Variants in CRLS1 observed in about 807,000 individuals in gnomAD.
The protein encoded by CRLS1 is cardiolipin synthase (CMP-forming).
A neutral mutation model predicts 37.0 loss-of-function variants in CRLS1; 24 were observed. The observed-to-expected ratio is 0.65, with a 90% CI of 0.47 to 0.91. CRLS1 has a LOEUF of 0.91. Among genes scored for constraint, CRLS1 ranks in the 40% least tolerant of loss-of-function variants. CRLS1 has a pLI of 0.00. For missense variants in CRLS1, 373 were observed against 395.8 expected, an observed-to-expected ratio of 0.94 and a Z score of 0.49; for synonymous variants, 135 against 159.7, an observed-to-expected ratio of 0.85 and a Z score of 1.17.
At chr20:6,008,626 C>A (rs1238601894) in intron 1 of CRLS1, among the ~76,000 whole-genome samples, 1 of 152,220 alleles carries the variant, frequency 6.6e-6, no homozygotes, top group African/African-American at 2.4e-5. Flanking sequence ...CAAATTTACA[C>A]AATTTCTCGA....
chr20:6,032,136 G>T, intron 5 of CRLS1, 56 bp downstream of exon 5: 1 of 1,335,752 alleles, frequency 7.5e-7, no homozygotes, highest in Non-Finnish European at 1.1e-6. Flanking sequence ...TATTATACAG[G>T]ATATAAACCT....
intron 3 of CRLS1, among the ~76,000 whole-genome samples, chr20:6,022,135 CT>C (rs1979326897): frequency 6.6e-6 from 1 of 152,050 alleles, no homozygotes; most frequent in Admixed American, 6.6e-5. Flanking sequence ...GAAGTATGTT[CT>C]TTTGGAATTA....
Position 6,037,173 on chromosome 20 carries a change from C to T in CRLS1, c.*15C>T, listed in dbSNP as rs1349151735. 3.2e-6 allele frequency: 5 copies of T among 1,578,110 alleles called. No individual in the cohort carries two copies. The highest frequency in any genetic ancestry group is 3.3e-5 in the Admixed American group (2 of 59,898). On this transcript the variant is annotated 3_prime_UTR_variant, in exon 7 of 7. Transcript: ENST00000378863. ...TAAAAGACTGATGAAAGTCATCCCTCACTGTTAGTAAGGAAGCAGTATACA... is the reference window on the plus strand; with the variant it reads ...TAAAAGACTGATGAAAGTCATCCCTTACTGTTAGTAAGGAAGCAGTATACA...
In CRLS1 at chr20:6,006,164, G is replaced by C. The variant is rs1162397291; in HGVS notation, c.-83G>C. On this transcript the variant is annotated 5_prime_UTR_variant, in exon 1 of 7. Coordinates refer to ENST00000378863, the MANE Select transcript of CRLS1 (RefSeq NM_019095.6). Reference sequence around the variant, plus strand: ...TAGCCCAGTGTCTGAGTGGTTGCCGGGTCTCCATGGAGAAGCGGCTCGCCA... The same window carrying C: ...TAGCCCAGTGTCTGAGTGGTTGCCGCGTCTCCATGGAGAAGCGGCTCGCCA... 1 of 743,236 alleles carries C rather than the reference G, an allele frequency of 1.3e-6. No homozygotes were observed. The highest frequency in any genetic ancestry group is 1.8e-6 in the Non-Finnish European group (1 of 548,634). The allele number at this position is 743,236 out of a possible 1,614,324, so 46.0% of individuals were successfully genotyped here.
At chr20:6,028,451 TTATTA>T (rs1241155584) in intron 3 of CRLS1, 1 of 152,040 alleles carries the variant, frequency 6.6e-6, no homozygotes, top group Non-Finnish European at 1.5e-5. Flanking sequence ...ATATTTTGTA[TTATTA>T]TATTGTTTCT....
chr20:6,015,629 T>G, intron 3 of CRLS1, 139 bp downstream of exon 3: 3 of 807,064 alleles, frequency 3.7e-6, no homozygotes, highest in Non-Finnish European at 6.1e-6. Flanking sequence ...AATTTTAAAC[T>G]GTTGAACTGT....
At chr20:6,007,683 C>CT (rs1479343823) in intron 1 of CRLS1, among the ~76,000 whole-genome samples, 1 of 152,124 alleles carries the variant, frequency 6.6e-6, no homozygotes, top group East Asian at 1.9e-4. Flanking sequence ...TTGCTTACTG[C>CT]TTTTTTGCAA....
intron 3 of CRLS1, among the ~76,000 whole-genome samples, chr20:6,016,716 T>C (rs946674375): frequency 2.0e-5 from 3 of 152,254 alleles, no homozygotes; most frequent in Non-Finnish European, 2.9e-5. Flanking sequence ...GTTTTACTTA[T>C]ATGATTGGTG....
intron 3 of CRLS1, among the ~76,000 whole-genome samples, chr20:6,029,928 A>G (rs2088084451): frequency 6.6e-6 from 1 of 152,196 alleles, no homozygotes. Flanking sequence ...TTAAATCTGT[A>G]ATTAGAGATT....
intron 3 of CRLS1, among the ~76,000 whole-genome samples, chr20:6,022,613 C>T (rs912831720): frequency 3.9e-5 from 6 of 152,156 alleles, no homozygotes; most frequent in Admixed American, 2.6e-4. Context: ...GCTCTGATTA[C>T]AGGCAAGAGC....
chr20:6,008,552 A>G (rs1165796264), intron 1 of CRLS1, among the ~76,000 whole-genome samples: 2 of 152,256 alleles, frequency 1.3e-5, no homozygotes, highest in Non-Finnish European at 2.9e-5. Flanking sequence ...AAGCCCCCAG[A>G]TGGGAGCTGT....
intron 6 of CRLS1, among the ~76,000 whole-genome samples, chr20:6,035,285 C>CT (rs1420854505): frequency 6.6e-6 from 1 of 152,022 alleles, no homozygotes; most frequent in Non-Finnish European, 1.5e-5. Flanking sequence ...CATCTTATAC[C>CT]TTCTGATATA....
At chr20:6,007,137 C>T (rs1032751738) in intron 1 of CRLS1, 2 of 913,344 alleles carry the variant, frequency 2.2e-6, no homozygotes, top group African/African-American at 3.4e-5. Flanking sequence ...GCTACCCAGA[C>T]AGAAGACACC....
intron 5 of CRLS1, among the ~76,000 whole-genome samples, chr20:6,032,609 G>C (rs1332874704): frequency 6.6e-6 from 1 of 152,174 alleles, no homozygotes; most frequent in Non-Finnish European, 1.5e-5. Context: ...AGGATTGATA[G>C]TTAAGTGGAA....
At chr20:6,020,662 G>C (rs1000907292) in intron 3 of CRLS1, among the ~76,000 whole-genome samples, 32 of 148,454 alleles carry the variant, frequency 2.2e-4, no homozygotes, top group African/African-American at 6.7e-4. Flanking sequence ...TTGCTCTGTC[G>C]CCCAGGCTGG....
At chr20:6,036,835 T>C (rs1313275420) in intron 6 of CRLS1, among the ~76,000 whole-genome samples, 2 of 152,232 alleles carry the variant, frequency 1.3e-5, no homozygotes, top group Non-Finnish European at 1.5e-5. Context: ...CTAGTAGTAG[T>C]AATTTGTAGG....
intron 5 of CRLS1, among the ~76,000 whole-genome samples, chr20:6,033,089 T>C (rs1980296109): frequency 6.7e-6 from 1 of 150,042 alleles, no homozygotes; most frequent in African/African-American, 2.4e-5. Flanking sequence ...TTATTTTATA[T>C]TTTATATTTT....
rs1020575271 is a variant in CRLS1, at chr20:6,037,893, T to A, written c.*735T>A. ...AGTTACGTTCCTGCCTTCCACTGTGTTTCTGACATAGCAATGTTTGTTTGA... is the reference window on the plus strand; with the variant it reads ...AGTTACGTTCCTGCCTTCCACTGTGATTCTGACATAGCAATGTTTGTTTGA... On this transcript the variant is annotated 3_prime_UTR_variant, in exon 7 of 7. Coordinates refer to ENST00000378863, the MANE Select transcript of CRLS1 (RefSeq NM_019095.6). The A allele has an allele frequency of 6.6e-6, 1 of 152,208 alleles. No individual in the cohort carries two copies. Among genetic ancestry groups the A allele is most frequent in the Admixed American group, 6.5e-5 (1 of 15,280 alleles). 9.4% of individuals were successfully genotyped at this position (152,208 alleles called of 1,614,324 possible). A position where few individuals can be genotyped will look rare whatever the true frequency, so the allele number is the denominator to read the frequency against.
At chr20:6,007,742 C>G (rs74456246) in intron 1 of CRLS1, among the ~76,000 whole-genome samples, 1 of 152,116 alleles carries the variant, frequency 6.6e-6, no homozygotes, top group African/African-American at 2.4e-5. Context: ...GTTGCTGTAA[C>G]CTTTGATCAG....
Sources: gnomAD v4.1 joint callset for allele counts (sites outside exome capture counted in the v4.1 genomes callset) on GRCh38, gnomAD v4.1.1 for gene constraint, MANE v1.5 for transcripts, NCBI Gene and HGNC (gene_info 2026-07-23, HGNC 2026-07-21) for gene names.